APBB2: variants seen among roughly 807,000 people sequenced by gnomAD.
APBB2 encodes Fe65-like 1.
Under a neutral mutation model 82.5 loss-of-function variants are expected in APBB2, and 38 were observed. That is an observed-to-expected ratio of 0.46 (90% CI 0.36 to 0.60). APBB2 has a LOEUF of 0.60. Ranked by LOEUF, APBB2 falls within the 20% of genes least tolerant of loss-of-function variation. The pLI, the probability that APBB2 is intolerant of heterozygous loss-of-function variation, is 0.00. For missense variants in APBB2, 772 were observed against 972.3 expected, an observed-to-expected ratio of 0.79 and a Z score of 2.74; for synonymous variants, 341 against 368.2, an observed-to-expected ratio of 0.93 and a Z score of 0.85.
chr4:40,928,178 T>G (rs1351824366), intron 10 of APBB2, among the ~76,000 whole-genome samples: 5 of 152,154 alleles, frequency 3.3e-5, no homozygotes, highest in Non-Finnish European at 7.3e-5. Flanking sequence ...ACATTTTCCA[T>G]GGAAAAGTGG....
intron 15 of APBB2, among the ~76,000 whole-genome samples, chr4:40,824,026 C>T (rs992180418): frequency 4.6e-5 from 7 of 152,104 alleles, no homozygotes; most frequent in Admixed American, 3.3e-4. Flanking sequence ...ACGGTGAAAC[C>T]CTGTCTCTAC....
chr4:41,155,879 T>C (rs1172391278), intron 1 of APBB2, among the ~76,000 whole-genome samples: 1 of 152,232 alleles, frequency 6.6e-6, no homozygotes, highest in Non-Finnish European at 1.5e-5. Context: ...ACTCCAGCTC[T>C]AGCTAGAAAT....
rs1422968589 is a variant in APBB2 at position 40,907,369 on chromosome 4, ATATATATATATTTTTT to A, written c.1255-13974_1255-13959del. Among the ~76,000 whole-genome samples the A allele has an allele frequency of 4.4e-3, 381 of 87,332 alleles. 1 individual carries two copies. The highest frequency in any genetic ancestry group is 0.02 in the African/African-American group (365 of 18,490). 57.3% of individuals were successfully genotyped at this position (87,332 alleles called of 152,430 possible). A position where few individuals can be genotyped will look rare whatever the true frequency, so the allele number is the denominator to read the frequency against. On this transcript the variant is annotated intron_variant, in intron 10 of 17. Transcript: ENST00000508593. ...ATTACATATATATATATATATATAT[ATATATATATATTTTTT>A]TTTTTTTTTTTTTTTAGACAGAGTC... is the stretch of plus-strand genomic sequence containing the variant.
At chr4:41,046,751 A>G (rs1723578666) in intron 4 of APBB2, among the ~76,000 whole-genome samples, 2 of 152,222 alleles carry the variant, frequency 1.3e-5, no homozygotes, top group Non-Finnish European at 2.9e-5. Context: ...GGTAAGGTCT[A>G]CATCAGCAAG....
chr4:41,044,610 T>C (rs567235327), intron 4 of APBB2, among the ~76,000 whole-genome samples: 17 of 152,344 alleles, frequency 1.1e-4, no homozygotes, highest in African/African-American at 3.6e-4. Flanking sequence ...TCAATTTTGC[T>C]AGATATAAAA....
At chr4:41,196,846 C>A in intron 1 of APBB2, among the ~76,000 whole-genome samples, 1 of 152,114 alleles carries the variant, frequency 6.6e-6, no homozygotes, top group Non-Finnish European at 1.5e-5. Context: ...CATGCATTTG[C>A]CATCATAGCT....
intron 16 of APBB2, 79 bp downstream of exon 16, chr4:40,823,565 T>C: frequency 9.9e-7 from 1 of 1,012,086 alleles, no homozygotes; most frequent in Non-Finnish European, 1.5e-6. Flanking sequence ...TTGACTATGT[T>C]CCTAAGTTCC....
chr4:40,921,592 TGAAGA>T lies in APBB2; in HGVS notation c.1254+12859_1254+12863del, dbSNP rs146591214. ...ACACGGTGAGATGCATAAGAATATCTGAAGAGAAGAGATGAGCCTGATGTAGCATT... is the reference window on the plus strand; with the variant it reads ...ACACGGTGAGATGCATAAGAATATCTGAAGAGATGAGCCTGATGTAGCATT... On this transcript the variant is annotated intron_variant, in intron 10 of 17. Coordinates refer to ENST00000508593, the MANE Select transcript of APBB2 (RefSeq NM_004307.2). 3.8e-3 allele frequency among the ~76,000 whole-genome samples: 578 copies of T among 152,348 alleles called. 2 individuals carry two copies. Among genetic ancestry groups the T allele is most frequent in the African/African-American group, 0.013 (521 of 41,576 alleles).
chr4:41,022,773 C>A (rs1479813415), intron 5 of APBB2, among the ~76,000 whole-genome samples: 1 of 152,106 alleles, frequency 6.6e-6, no homozygotes, highest in African/African-American at 2.4e-5. Context: ...CAATTAACAT[C>A]TCAAAAAATG....
chr4:41,184,758 C>T (rs762021407), intron 1 of APBB2, among the ~76,000 whole-genome samples: 6 of 152,204 alleles, frequency 3.9e-5, no homozygotes, highest in Non-Finnish European at 7.3e-5. Flanking sequence ...CAGAGTGCAG[C>T]CTCACCTGCC....
intron 5 of APBB2, among the ~76,000 whole-genome samples, chr4:41,021,855 T>C (rs547726419): frequency 6.6e-6 from 1 of 152,272 alleles, no homozygotes; most frequent in South Asian, 2.1e-4. Flanking sequence ...TGTGGCTTCA[T>C]TCCTCAAGTC....
intron 12 of APBB2, among the ~76,000 whole-genome samples, chr4:40,864,246 C>T (rs531535173): frequency 4.3e-4 from 59 of 135,894 alleles, no homozygotes; most frequent in African/African-American, 1.4e-3. Flanking sequence ...GAGTGAGACT[C>T]CGTCTCAATA....
At chr4:41,068,246 A>T (rs1732613142) in intron 3 of APBB2, among the ~76,000 whole-genome samples, 1 of 152,214 alleles carries the variant, frequency 6.6e-6, no homozygotes, top group South Asian at 2.1e-4. Flanking sequence ...ATTAACAATG[A>T]TACCCAATAA....
chr4:40,865,312 A>G (rs6857846), intron 12 of APBB2, among the ~76,000 whole-genome samples: 1 of 151,962 alleles, frequency 6.6e-6, no homozygotes, highest in Non-Finnish European at 1.5e-5. Flanking sequence ...AAGTTCCATG[A>G]TTGTAATTTG....
intron 12 of APBB2, among the ~76,000 whole-genome samples, chr4:40,879,817 G>A (rs950738816): frequency 8.6e-5 from 13 of 151,568 alleles, no homozygotes; most frequent in Admixed American, 4.6e-4. Flanking sequence ...TAAGCCTCCC[G>A]AGTAGGTGGG....
Position 41,135,104 on chromosome 4 carries a change from T to C in APBB2, c.-261+7883A>G, listed in dbSNP as rs868788176. 7.6e-4 allele frequency among the ~76,000 whole-genome samples: 115 copies of C among 150,774 alleles called. 6 individuals carry two copies. Among genetic ancestry groups the C allele is most frequent in the Middle Eastern group, 3.4e-3 (1 of 292 alleles). On this transcript the variant is annotated intron_variant, in intron 2 of 17. Transcript: ENST00000508593. Reference sequence around the variant, plus strand: ...TTACTGTCTTACTTTTCATATGCTCTGTGACATTTTAACCAGACACCAGAA... The same window carrying C: ...TTACTGTCTTACTTTTCATATGCTCCGTGACATTTTAACCAGACACCAGAA...
At chr4:40,919,999 T>C (rs1780845101) in intron 10 of APBB2, among the ~76,000 whole-genome samples, 1 of 152,224 alleles carries the variant, frequency 6.6e-6, no homozygotes, top group South Asian at 2.1e-4. Flanking sequence ...AAAGATTCTC[T>C]GGCTGTTTTT....
At chr4:41,128,352 GT>G (rs1755006279) in intron 2 of APBB2, among the ~76,000 whole-genome samples, 1 of 152,206 alleles carries the variant, frequency 6.6e-6, no homozygotes, top group African/African-American at 2.4e-5. Context: ...GAGGAAAGCA[GT>G]TTGGAGACTT....
chr4:41,193,572 A>C, intron 1 of APBB2: 1 of 985,170 alleles, frequency 1.0e-6, no homozygotes, highest in East Asian at 1.1e-4. Context: ...CCCCAAGGTA[A>C]GCTACTTTTT....
Sources: gnomAD v4.1 joint callset for allele counts (sites outside exome capture counted in the v4.1 genomes callset) on GRCh38, gnomAD v4.1.1 for gene constraint, MANE v1.5 for transcripts, NCBI Gene and HGNC (gene_info 2026-07-23, HGNC 2026-07-21) for gene names.